Variants in DYSF observed in about 807,000 individuals in gnomAD.
DYSF encodes dystrophy-associated fer-1-like 1.
DYSF carries 212 observed loss-of-function variants against 274.9 expected under a neutral mutation model. That is an observed-to-expected ratio of 0.77 (90% confidence interval 0.69 to 0.86). The LOEUF (loss-of-function observed/expected upper bound fraction) is 0.86. DYSF is among the 40% of genes least tolerant of loss of function. DYSF has a pLI of 0.00. For synonymous variants in DYSF, 1,091 were observed against 1,078.7 expected (o/e 1.01, Z -0.22); for missense variants, 2,666 against 2,783.2 (o/e 0.96, Z 0.95).
Position 71,549,216 on chromosome 2 carries a change from A to G in DYSF, c.1577-1825A>G, listed in dbSNP as rs934061. 629,532 of 809,884 alleles carry G rather than the reference A, an allele frequency of 0.78. 254,273 individuals are homozygous for G. Among genetic ancestry groups the G allele is most frequent in the African/African-American group, 0.89 (51,968 of 58,612 alleles). The allele number at this position is 809,884 out of a possible 1,614,324, so 50.2% of individuals were successfully genotyped here. ...TGGGCAGAGGGTGGGGCCTCGGGCCACATCTGTTTCACACCCGGGAGCTGT... is the reference window on the plus strand; with the variant it reads ...TGGGCAGAGGGTGGGGCCTCGGGCCGCATCTGTTTCACACCCGGGAGCTGT... On this transcript the variant is annotated intron_variant, in intron 17 of 55. Transcript: ENST00000410020.
rs200927127 is a variant in DYSF at position 71,686,417 on chromosome 2, G to A, written c.6322-37G>A. 7.7e-5 allele frequency: 125 copies of A among 1,613,334 alleles called. No individual in the cohort carries two copies. The Admixed American group carries it at 1.2e-3, about 16-fold the overall frequency. ...TGCTCTGGCTGTGCCTGCCCCAGTG[G>A]GATCACCATGGGTCCCTGTCTCCTC... On this transcript the variant is annotated intron_variant, in intron 55 of 55. Coordinates refer to ENST00000410020, the MANE Select transcript of DYSF (RefSeq NM_001130987.2).
chr2:71,682,755 TC>T, intron 55 of DYSF, 78 bp downstream of exon 55: 1 of 1,543,032 alleles, frequency 6.5e-7, no homozygotes, highest in South Asian at 1.2e-5. Flanking sequence ...CAAAGAGCTC[TC>T]CCAGTCTAAT....
intron 42 of DYSF, among the ~76,000 whole-genome samples, chr2:71,647,554 A>G (rs573118530): frequency 4.7e-4 from 72 of 152,334 alleles, no homozygotes; most frequent in African/African-American, 1.7e-3. Context: ...CATTTTCAGA[A>G]AAGTTGGAAA....
intron 36 of DYSF, chr2:71,610,861 A>G (rs1049093874): frequency 6.1e-6 from 2 of 329,952 alleles, no homozygotes; most frequent in Non-Finnish European, 5.9e-6. Flanking sequence ...TGGGACTGAG[A>G]GGGGCTGAAG....
intron 30 of DYSF, among the ~76,000 whole-genome samples, chr2:71,579,148 C>T (rs546525793): frequency 2.6e-5 from 4 of 152,264 alleles, no homozygotes; most frequent in Admixed American, 2.6e-4. Flanking sequence ...CCAGTCACCC[C>T]CTCCTGACGC....
Position 71,523,367 on chromosome 2 carries a change from G to A in DYSF, c.1149+2463G>A, listed in dbSNP as rs2087509713. Among the ~76,000 whole-genome samples, 8 of 152,158 alleles carry A rather than the reference G, an allele frequency of 5.3e-5. No individual in the cohort carries two copies. The South Asian group carries it at 1.7e-3, about 32-fold the overall frequency. ...CACATCTAACTACGAGGGAGCCTGG[G>A]AAATAAAGTCCATCCTAATGCTGTC... On this transcript the variant is annotated intron_variant, in intron 12 of 55. Coordinates refer to ENST00000410020, the MANE Select transcript of DYSF (RefSeq NM_001130987.2).
At position 71,615,948 on chromosome 2, in the gene DYSF, C is replaced by T. The variant is rs566626223; in HGVS notation, c.4464+2538C>T. Among the ~76,000 whole-genome samples the T allele has an allele frequency of 1.3e-5, 2 of 152,308 alleles. No homozygotes were observed. The highest frequency in any genetic ancestry group is 1.9e-4 in the East Asian group (1 of 5,176). On this transcript the variant is annotated intron_variant, in intron 40 of 55. Transcript: ENST00000410020. This position sits in a 1 kb window ranked among gnomAD's most constrained non-coding sequence, Gnocchi z 4.9. Reference sequence around the variant, plus strand: ...CTGTGTCCTGGCTGTGGTCCTAGGACCCCTCCTAGCTCAAACCTGCTCTTG... The same window carrying T: ...CTGTGTCCTGGCTGTGGTCCTAGGATCCCTCCTAGCTCAAACCTGCTCTTG...
At chr2:71,566,353 CAAAAAAAA>C (rs773800974) in intron 24 of DYSF, among the ~76,000 whole-genome samples, 2 of 49,802 alleles carry the variant, frequency 4.0e-5, no homozygotes, top group African/African-American at 1.5e-4. Flanking sequence ...TGGTTTCAAG[CAAAAAAAA>C]AAAAAAAAAA....
chr2:71,669,221 G>GT lies in DYSF; in HGVS notation c.5642+15dup. 1 of 1,589,836 alleles carries GT rather than the reference G, an allele frequency of 6.3e-7. No individual in the cohort carries two copies. The highest frequency in any genetic ancestry group is 8.6e-7 in the Non-Finnish European group (1 of 1,165,828). ...TTATGTGAAAGGGTAGGGAGCCAGCGTCCTCTTGCCTGTCCAGCTTCCCGC... is the reference window on the plus strand; with the variant it reads ...TTATGTGAAAGGGTAGGGAGCCAGCGTTCCTCTTGCCTGTCCAGCTTCCCGC... On this transcript the variant is annotated intron_variant, in intron 50 of 55. Transcript: ENST00000410020.
intron 1 of DYSF, among the ~76,000 whole-genome samples, chr2:71,469,029 CAG>C (rs2081763675): frequency 6.6e-6 from 1 of 152,218 alleles, no homozygotes; most frequent in African/African-American, 2.4e-5. Flanking sequence ...GTTTGAGAAA[CAG>C]ATTCCAGAGT....
At position 71,480,865 on chromosome 2, in the gene DYSF, C is replaced by T. The variant is rs1421990252; in HGVS notation, c.92-18C>T. On this transcript the variant is annotated intron_variant, in intron 1 of 55. Transcript: ENST00000410020. ...GGCGGGATGTGTCTCTCCATTCTCC[C>T]TTTTGTGTCTCTTGTAGGGGTGAAG... 1 of 1,612,680 alleles carries T rather than the reference C, an allele frequency of 6.2e-7. No homozygotes were observed. Among genetic ancestry groups the T allele is most frequent in the East Asian group, 2.2e-5 (1 of 44,870 alleles).
chr2:71,525,922 G>A (rs1199488002), intron 12 of DYSF, among the ~76,000 whole-genome samples: 1 of 152,144 alleles, frequency 6.6e-6, no homozygotes, highest in Non-Finnish European at 1.5e-5. Context: ...GGGGAGAGCG[G>A]GAAGGAGACT....
intron 3 of DYSF, among the ~76,000 whole-genome samples, chr2:71,482,546 T>TG (rs1401495881): frequency 6.6e-6 from 1 of 152,010 alleles, no homozygotes; most frequent in African/African-American, 2.4e-5. Flanking sequence ...GGTTTCTTGG[T>TG]GGGGGGATCA....
chr2:71,598,482 T>C (rs2093460130), intron 32 of DYSF, 82 bp from the exon 33 acceptor site: 3 of 1,534,008 alleles, frequency 2.0e-6, no homozygotes, highest in Middle Eastern at 1.8e-4. Flanking sequence ...TCCAGCTTTG[T>C]GGCCCCACAT....
intron 39 of DYSF, 98 bp downstream of exon 39, chr2:71,612,904 C>G (rs376791568): frequency 2.3e-4 from 327 of 1,411,832 alleles, no homozygotes; most frequent in Non-Finnish European, 2.9e-4. Context: ...CCTTCTCTTA[C>G]GGAGACCTGA....
intron 14 of DYSF, among the ~76,000 whole-genome samples, chr2:71,532,247 A>G (rs2088816203): frequency 6.6e-6 from 1 of 152,234 alleles, no homozygotes; most frequent in Non-Finnish European, 1.5e-5. Context: ...AAACATCAGC[A>G]TACAGGAATC....
intron 22 of DYSF, among the ~76,000 whole-genome samples, chr2:71,557,962 G>A (rs1247028706): frequency 6.6e-6 from 1 of 151,868 alleles, no homozygotes; most frequent in Non-Finnish European, 1.5e-5. Flanking sequence ...AACCCAGGAG[G>A]TGGATGTTGC....
At chr2:71,554,325 G>A (rs1019402238) in intron 21 of DYSF, among the ~76,000 whole-genome samples, 1 of 152,254 alleles carries the variant, frequency 6.6e-6, no homozygotes, top group African/African-American at 2.4e-5. Context: ...GGCGAGAGGT[G>A]AGCAAGCAGT....
At chr2:71,462,453 C>A (rs775792893), upstream of DYSF, among the ~76,000 whole-genome samples, 22 of 151,676 alleles carry the variant, frequency 1.5e-4, no homozygotes, top group Non-Finnish European at 3.1e-4. Flanking sequence ...AGTGCTGAAG[C>A]TTTATCTCGT....
Sources: gnomAD v4.1 joint callset for allele counts (sites outside exome capture counted in the v4.1 genomes callset) on GRCh38, gnomAD v4.1.1 for gene constraint, Gnocchi (gnomAD v3.1) non-coding constraint, MANE v1.5 for transcripts, NCBI Gene and HGNC (gene_info 2026-07-23, HGNC 2026-07-21) for gene names.